EFR3A: variants seen among roughly 807,000 people sequenced by gnomAD.
EFR3A encodes the protein EFR3 homolog A.
EFR3A carries 76 observed loss-of-function variants against 104.4 expected under a neutral mutation model. The ratio of observed to expected loss-of-function variants is 0.73; its 90% CI spans 0.60 to 0.88. The LOEUF (loss-of-function observed/expected upper bound fraction) is 0.88, where lower values mean the gene tolerates loss of function less well. Among genes scored for constraint, EFR3A ranks in the 40% least tolerant of loss-of-function variants. EFR3A has a pLI of 0.00. For missense variants in EFR3A, 985 were observed against 1,012.5 expected, an observed-to-expected ratio of 0.97 and a Z score of 0.37; for synonymous variants, 330 against 330.0, an observed-to-expected ratio of 1.00 and a Z score of 0.00.
rs369590615 is a variant in EFR3A at position 131,921,574 on chromosome 8, G to T, written c.10+17252G>T. 3.3e-5 allele frequency among the ~76,000 whole-genome samples: 5 copies of T among 152,142 alleles called. No homozygotes were observed. The South Asian group carries it at 8.3e-4, about 25-fold the overall frequency. On this transcript the variant is annotated intron_variant, in intron 1 of 22. Coordinates refer to ENST00000254624, the MANE Select transcript of EFR3A (RefSeq NM_015137.6). ...AACATTTTCATTTTTTTAATTGTGC[G>T]TATTTATTAAACTTTGATGTAAATT...
chr8:131,938,261 G>T (rs989965228), intron 1 of EFR3A: 2 of 397,808 alleles, frequency 5.0e-6, no homozygotes, highest in African/African-American at 4.1e-5. Context: ...AGCTGAACTC[G>T]AAAAGCCTTA....
At chr8:131,959,542 A>G (rs753491636) in intron 7 of EFR3A, 43 bp from the exon 8 acceptor site, 11 of 1,512,842 alleles carry the variant, frequency 7.3e-6, no homozygotes, top group Admixed American at 5.2e-5. Flanking sequence ...GGAAGAAAGT[A>G]TAGTAAAATA....
At chr8:132,009,372 G>C (rs1254072901) in intron 22 of EFR3A, among the ~76,000 whole-genome samples, 1 of 151,960 alleles carries the variant, frequency 6.6e-6, no homozygotes, top group African/African-American at 2.4e-5. Flanking sequence ...TTTTTTTTAA[G>C]TATTTGAACA....
chr8:131,985,280 TGAATG>T (rs1220563198), intron 16 of EFR3A, among the ~76,000 whole-genome samples: 1 of 152,228 alleles, frequency 6.6e-6, no homozygotes, highest in African/African-American at 2.4e-5. Context: ...ATGTAGTGGT[TGAATG>T]GAATATGTGG....
chr8:131,904,218 C>T lies in EFR3A; in HGVS notation c.-95C>T. On this transcript the variant is annotated 5_prime_UTR_variant, in exon 1 of 23. Transcript: ENST00000254624. ...CCTTCGCCCTTCGCCTCGTTCCGGC[C>T]TCCGCGGCCCAGCAACGGCCGTCAT... is the stretch of plus-strand genomic sequence containing the variant. 2 of 1,240,154 alleles carry T rather than the reference C, an allele frequency of 1.6e-6. No individual in the cohort carries two copies. The highest frequency in any genetic ancestry group is 2.0e-6 in the Non-Finnish European group (2 of 985,210). The allele number at this position is 1,240,154 out of a possible 1,614,324, so 76.8% of individuals were successfully genotyped here.
intron 11 of EFR3A, 81 bp downstream of exon 11, chr8:131,976,222 G>C: frequency 1.1e-6 from 1 of 913,852 alleles, no homozygotes; most frequent in East Asian, 2.7e-5. Flanking sequence ...TTAACGTTTT[G>C]TTTTTTTTTA....
At chr8:131,961,230 A>G (rs942477084) in intron 8 of EFR3A, among the ~76,000 whole-genome samples, 1 of 152,228 alleles carries the variant, frequency 6.6e-6, no homozygotes, top group Non-Finnish European at 1.5e-5. Context: ...TGACAAGTTG[A>G]GAGAAGAAGG....
chr8:131,977,474 GACCA>G (rs538467968), intron 12 of EFR3A, among the ~76,000 whole-genome samples: 121 of 152,180 alleles, frequency 8.0e-4, no homozygotes, highest in African/African-American at 2.9e-3. Flanking sequence ...TTCTCATACT[GACCA>G]AATAATTGCT....
At chr8:131,943,798 G>A (rs1161870461) in intron 2 of EFR3A, among the ~76,000 whole-genome samples, 2 of 151,956 alleles carry the variant, frequency 1.3e-5, no homozygotes, top group African/African-American at 4.8e-5. Context: ...GGCCTAGCAG[G>A]CACTGAGAAA....
intron 20 of EFR3A, 62 bp from the exon 21 acceptor site, chr8:132,002,541 A>G (rs1054665689): frequency 1.1e-5 from 15 of 1,375,354 alleles, no homozygotes; most frequent in African/African-American, 4.4e-5. Context: ...CTTAACGGTC[A>G]TTGACTGGGT....
intron 8 of EFR3A, among the ~76,000 whole-genome samples, chr8:131,960,882 G>A (rs1273338340): frequency 3.3e-5 from 5 of 152,128 alleles, no homozygotes; most frequent in South Asian, 2.1e-4. Context: ...GTTTCTGCAG[G>A]CAGCAACATT....
chr8:131,931,211 G>A (rs1817591936), intron 1 of EFR3A, among the ~76,000 whole-genome samples: 1 of 152,120 alleles, frequency 6.6e-6, no homozygotes. Flanking sequence ...AGGGCTCATA[G>A]GCCACCCTTA....
Position 131,974,804 on chromosome 8 carries a change from CT to C in EFR3A, c.1160-1222del, listed in dbSNP as rs1817754545. On this transcript the variant is annotated intron_variant, in intron 10 of 22. Transcript: ENST00000254624. ...TGATTGTGGGAAATGACTTTTACCC[CT>C]AAGTCCAATCAAAATGATGAATAGA... Among the ~76,000 whole-genome samples, 3 of 152,128 alleles carry C rather than the reference CT, an allele frequency of 2.0e-5. No individual in the cohort carries two copies. In the South Asian group the frequency reaches 6.2e-4, roughly 31 times the overall value.
At chr8:131,928,910 TTTTC>T (rs1817443830) in intron 1 of EFR3A, among the ~76,000 whole-genome samples, 1 of 152,120 alleles carries the variant, frequency 6.6e-6, no homozygotes, top group South Asian at 2.1e-4. Flanking sequence ...CCTTTTGTAA[TTTTC>T]TTTCTGTTTA....
At position 131,987,682 on chromosome 8, in the gene EFR3A, C is replaced by G; in HGVS notation, c.2045C>G (p.Pro682Arg). Residue 682 changes from proline (P) to arginine (R), a missense_variant, in exon 18 of 23, where the codon CCG becomes CGG. Coordinates refer to ENST00000254624, the MANE Select transcript of EFR3A (RefSeq NM_015137.6). Reference sequence around the variant, plus strand: ...TATAGTGTTGAGAGATTGTCAGTTCCGTATGTACCACAAGTAACAGGTAAG... The same window carrying G: ...TATAGTGTTGAGAGATTGTCAGTTCGGTATGTACCACAAGTAACAGGTAAG... Reference protein sequence around the residue: ...SGYSVERLSVPYVPQVTDEDR... With the variant: ...SGYSVERLSVRYVPQVTDEDR... 2 of 1,594,660 alleles carry G rather than the reference C, an allele frequency of 1.3e-6. No individual in the cohort carries two copies. The highest frequency in any genetic ancestry group is 1.7e-6 in the Non-Finnish European group (2 of 1,169,770).
intron 1 of EFR3A, among the ~76,000 whole-genome samples, chr8:131,912,579 A>G (rs773574089): frequency 5.9e-5 from 9 of 152,220 alleles, no homozygotes; most frequent in Non-Finnish European, 1.0e-4. Flanking sequence ...CCACTGACAC[A>G]GTAATTTCAC....
chr8:131,910,292 G>A (rs1204419957), intron 1 of EFR3A, among the ~76,000 whole-genome samples: 1 of 152,172 alleles, frequency 6.6e-6, no homozygotes, highest in Non-Finnish European at 1.5e-5. Flanking sequence ...GGTAATTTGA[G>A]ATGGAGTCTC....
At chr8:131,953,538 T>C (rs1204670991) in intron 5 of EFR3A, among the ~76,000 whole-genome samples, 1 of 152,148 alleles carries the variant, frequency 6.6e-6, no homozygotes, top group Non-Finnish European at 1.5e-5. Flanking sequence ...GCTGTTGATT[T>C]TTTAAAATTG....
intron 18 of EFR3A, among the ~76,000 whole-genome samples, 170 bp from the exon 19 acceptor site, chr8:131,996,236 G>A (rs745856705): frequency 6.6e-6 from 1 of 151,902 alleles, no homozygotes; most frequent in African/African-American, 2.4e-5. Context: ...TCTGCTTCAC[G>A]AAATGTAAAA....
Sources: allele counts gnomAD v4.1 joint callset (sites outside exome capture counted in the v4.1 genomes callset), GRCh38; gene constraint gnomAD v4.1.1; transcripts MANE v1.5; gene names NCBI Gene and HGNC (gene_info 2026-07-23, HGNC 2026-07-21).